The following ADARB1 variants were observed in gnomAD, a reference collection of about 807,000 sequenced individuals.
The protein encoded by ADARB1 is adenosine deaminase RNA specific B1.
In ADARB1, 10 loss-of-function variants were observed where a neutral mutation model predicts 52.4. The ratio of observed to expected loss-of-function variants is 0.19; its 90% CI spans 0.12 to 0.32. The LOEUF is 0.32. Ranked by LOEUF, ADARB1 falls within the 10% of genes least tolerant of loss-of-function variation. The probability of loss-of-function intolerance (pLI) is 1.00; values close to 1 mark genes in which losing one functional copy is unlikely to be tolerated. For missense variants in ADARB1, 643 were observed against 922.3 expected, an observed-to-expected ratio of 0.70 and a Z score of 3.92; for synonymous variants, 349 against 371.1, an observed-to-expected ratio of 0.94 and a Z score of 0.68.
intron 2 of ADARB1, chr21:45,134,651 G>A: frequency 2.3e-6 from 1 of 442,866 alleles, no homozygotes; most frequent in South Asian, 1.6e-5. Context: ...CTATGGACAA[G>A]GCAGTACAGT....
chr21:45,193,090 GA>G (rs1360863926), intron 8 of ADARB1, among the ~76,000 whole-genome samples: 1 of 152,170 alleles, frequency 6.6e-6, no homozygotes, highest in African/African-American at 2.4e-5. Flanking sequence ...CTCATTCTGT[GA>G]GGCCAGCATT....
At chr21:45,165,502 C>T (rs907272875) in intron 2 of ADARB1, among the ~76,000 whole-genome samples, 10 of 152,076 alleles carry the variant, frequency 6.6e-5, no homozygotes, top group African/African-American at 1.9e-4. Context: ...CTTGCAGGGA[C>T]GGTTTCCTAG....
chr21:45,171,589 T>A (rs769613925), intron 2 of ADARB1, 21 bp from the exon 3 acceptor site: 2 of 1,490,604 alleles, frequency 1.3e-6, no homozygotes, highest in South Asian at 1.1e-5. Flanking sequence ...CACTAAATGC[T>A]ATTTTCTTAC....
intron 2 of ADARB1, among the ~76,000 whole-genome samples, chr21:45,133,376 G>A (rs2089076765): frequency 6.6e-6 from 1 of 152,226 alleles, no homozygotes; most frequent in Non-Finnish European, 1.5e-5. Context: ...TATAGGCAGG[G>A]TCTCCCCTCT....
chr21:45,179,467 A>G lies in ADARB1; in HGVS notation c.964-863A>G, dbSNP rs185694287. On this transcript the variant is annotated intron_variant, in intron 4 of 10. Transcript: ENST00000348831. ...GAGTTGAAACTGGCTCTTAACACCC[A>G]CCTCCCAGCAGACATCATTTCCCAA... is the stretch of plus-strand genomic sequence containing the variant. Among the ~76,000 whole-genome samples the G allele has an allele frequency of 2.0e-5, 3 of 152,214 alleles. No homozygotes were observed. In the East Asian group the frequency reaches 5.8e-4, roughly 29 times the overall value.
rs767657213 is a variant in ADARB1, at chr21:45,204,504, G to A, written c.1566-51G>A. The A allele has an allele frequency of 6.2e-5, 98 of 1,583,360 alleles. No individual in the cohort carries two copies. The highest frequency in any genetic ancestry group is 1.9e-4 in the Admixed American group (11 of 59,044). On this transcript the variant is annotated intron_variant, in intron 8 of 10. Coordinates refer to ENST00000348831, the MANE Select transcript of ADARB1 (RefSeq NM_001112.4). The surrounding 1 kb of genome is among the most constrained non-coding windows in gnomAD (Gnocchi z 4.4). ...ACCACGCAGGCTTGGGCTGGGCTGC[G>A]TCGACACTGAGTCCGAGCTCCCTGA...
chr21:45,117,212 A>G (rs1601417293), intron 1 of ADARB1, among the ~76,000 whole-genome samples: 1 of 152,300 alleles, frequency 6.6e-6, no homozygotes, highest in Middle Eastern at 3.4e-3. Context: ...CTCCTTCTCC[A>G]GGGAGACCTA....
chr21:45,221,882 G>A lies in ADARB1; in HGVS notation c.1927-136G>A, dbSNP rs2092971013. The A allele has an allele frequency of 2.2e-6, 2 of 905,122 alleles. No homozygotes were observed. The highest frequency in any genetic ancestry group is 1.7e-6 in the Non-Finnish European group (1 of 599,290). 56.1% of individuals were successfully genotyped at this position (905,122 alleles called of 1,614,324 possible). On this transcript the variant is annotated intron_variant, in intron 10 of 10. Transcript: ENST00000348831. The surrounding 1 kb of genome is among the most constrained non-coding windows in gnomAD (Gnocchi z 4.9). ...TCTGTGTGAAGCCGTTCCCTTGGCA[G>A]AAGGCGCCTTCCTCTGGGTTGCTTT...
intron 1 of ADARB1, among the ~76,000 whole-genome samples, chr21:45,086,480 TG>T (rs1225629006): frequency 6.6e-6 from 1 of 152,200 alleles, no homozygotes; most frequent in Non-Finnish European, 1.5e-5. Flanking sequence ...TGTGCTTGTC[TG>T]CAGTTGATTC....
intron 8 of ADARB1, among the ~76,000 whole-genome samples, chr21:45,203,565 A>C (rs2092606639): frequency 6.6e-6 from 1 of 152,216 alleles, no homozygotes; most frequent in Non-Finnish European, 1.5e-5. Flanking sequence ...TGTGGGGCTC[A>C]GAAAGAGAGA....
chr21:45,183,771 A>G (rs1374018814), intron 7 of ADARB1, among the ~76,000 whole-genome samples: 1 of 152,236 alleles, frequency 6.6e-6, no homozygotes, highest in African/African-American at 2.4e-5. Context: ...TTGTATCAGT[A>G]TTTAAATTTG....
chr21:45,185,113 T>C, intron 8 of ADARB1, 22 bp downstream of exon 8: 1 of 1,610,876 alleles, frequency 6.2e-7, no homozygotes, highest in Non-Finnish European at 8.5e-7. Context: ...GGGCTCCCTG[T>C]GGCCACCTCC....
chr21:45,161,160 G>T (rs77766466), intron 2 of ADARB1, among the ~76,000 whole-genome samples: 2 of 152,154 alleles, frequency 1.3e-5, no homozygotes, highest in South Asian at 2.1e-4. Context: ...CAGCTGCAGC[G>T]GGGGAGGCTA....
intron 1 of ADARB1, among the ~76,000 whole-genome samples, chr21:45,096,761 A>G (rs538306012): frequency 9.2e-5 from 14 of 152,024 alleles, no homozygotes; most frequent in African/African-American, 3.4e-4. Flanking sequence ...CTTTATTTTT[A>G]TTTTATTTTT....
Position 45,222,584 on chromosome 21 carries a change from C to T in ADARB1, c.*387C>T. 4 of 1,018,148 alleles carry T rather than the reference C, an allele frequency of 3.9e-6. No individual in the cohort carries two copies. Among genetic ancestry groups the T allele is most frequent in the Non-Finnish European group, 4.7e-6 (4 of 851,774 alleles). The allele number at this position is 1,018,148 out of a possible 1,614,324, so 63.1% of individuals were successfully genotyped here. On this transcript the variant is annotated 3_prime_UTR_variant, in exon 11 of 11. Transcript: ENST00000348831. ...TCTTGAATAAATAATTTATTCAGAG[C>T]TAGGAATGTGGTTTATAAAATAGGA...
chr21:45,122,907 G>C (rs907746735), intron 1 of ADARB1, among the ~76,000 whole-genome samples: 15 of 152,204 alleles, frequency 9.9e-5, no homozygotes, highest in African/African-American at 3.1e-4. Flanking sequence ...TTCTGCACCT[G>C]TGGTTCCTTA....
At chr21:45,139,323 G>A (rs1479532672) in intron 2 of ADARB1, among the ~76,000 whole-genome samples, 1 of 152,170 alleles carries the variant, frequency 6.6e-6, no homozygotes, top group African/African-American at 2.4e-5. Flanking sequence ...TTATTATGAC[G>A]ATTGCTGAAA....
intron 3 of ADARB1, 112 bp downstream of exon 3, chr21:45,171,796 A>T: frequency 1.0e-6 from 1 of 971,858 alleles, no homozygotes. Flanking sequence ...TTTTTCCCGT[A>T]ACATCTTCTA....
chr21:45,164,647 A>G (rs761459758), intron 2 of ADARB1, among the ~76,000 whole-genome samples: 1 of 152,162 alleles, frequency 6.6e-6, no homozygotes, highest in Non-Finnish European at 1.5e-5. Context: ...GAAGCACCCC[A>G]GGAAGTTGGA....
Sources: gnomAD v4.1 joint callset for allele counts (sites outside exome capture counted in the v4.1 genomes callset) on GRCh38, gnomAD v4.1.1 for gene constraint, Gnocchi (gnomAD v3.1) non-coding constraint, MANE v1.5 for transcripts, NCBI Gene and HGNC (gene_info 2026-07-23, HGNC 2026-07-21) for gene names.